RELN: variants seen among roughly 807,000 people sequenced by gnomAD.
RELN encodes the protein reelin.
In RELN, 108 loss-of-function variants were observed where a neutral mutation model predicts 427.6. The observed-to-expected ratio is 0.25, with a 90% confidence interval of 0.22 to 0.30. The LOEUF (loss-of-function observed/expected upper bound fraction) is 0.30, where lower values mean the gene tolerates loss of function less well. RELN is among the 10% of genes least tolerant of loss of function. The pLI, the probability that RELN is intolerant of heterozygous loss-of-function variation, is 1.00. For missense variants in RELN, 3,715 were observed against 4,302.8 expected (o/e 0.86, Z 3.82); for synonymous variants, 1,524 against 1,513.4 (o/e 1.01, Z -0.16).
chr7:103,501,182 A>C (rs1048567949), intron 52 of RELN, among the ~76,000 whole-genome samples: 1 of 152,246 alleles, frequency 6.6e-6, no homozygotes, highest in Non-Finnish European at 1.5e-5. Context: ...GTGTCAAGAA[A>C]TAAATAGAAA....
At chr7:103,716,092 G>C (rs190067908) in intron 8 of RELN, among the ~76,000 whole-genome samples, 2 of 152,286 alleles carry the variant, frequency 1.3e-5, no homozygotes, top group Admixed American at 1.3e-4. Context: ...CAGGGCTCCT[G>C]CATCTTGTTC....
Position 103,545,404 on chromosome 7 carries a change from T to A in RELN, c.6303-60A>T, listed in dbSNP as rs3025932. The A allele has an allele frequency of 2.7e-3, 3,049 of 1,131,732 alleles. 52 individuals carry two copies. In the African/African-American group the frequency reaches 0.04, roughly 15 times the overall value. 70.1% of individuals were successfully genotyped at this position (1,131,732 alleles called of 1,614,324 possible). A position where few individuals can be genotyped will look rare whatever the true frequency, so the allele number is the denominator to read the frequency against. On this transcript the variant is annotated intron_variant, in intron 41 of 64. Transcript: ENST00000428762. The stretch of plus-strand genomic sequence containing the variant: ...AACAGAACAATATACCTTCAAAGTA[T>A]GCACATCTGATCAATGAACAATGGG...
intron 6 of RELN, among the ~76,000 whole-genome samples, chr7:103,746,571 A>G (rs1245438041): frequency 6.6e-6 from 1 of 152,196 alleles, no homozygotes; most frequent in Non-Finnish European, 1.5e-5. Context: ...TTACAAGAAA[A>G]AAACAAACAA....
chr7:103,890,458 G>C (rs1488355206), intron 2 of RELN, among the ~76,000 whole-genome samples: 1 of 152,138 alleles, frequency 6.6e-6, no homozygotes, highest in African/African-American at 2.4e-5. Flanking sequence ...GATTCTCACA[G>C]AAGCACAAAC....
intron 55 of RELN, 54 bp from the exon 56 acceptor site, chr7:103,496,822 C>G: frequency 1.3e-6 from 2 of 1,589,868 alleles, no homozygotes; most frequent in Non-Finnish European, 1.7e-6. Context: ...CCTGCCTCCT[C>G]ATAAACCACC....
intron 3 of RELN, among the ~76,000 whole-genome samples, chr7:103,777,883 T>TCACACACACACACACA (rs201873652): frequency 0.063 from 9,119 of 143,774 alleles, 364 homozygotes; most frequent in East Asian, 0.073. Context: ...TGTTATACCT[T>TCACACACACACACACA]CACACACACA....
At position 103,650,586 on chromosome 7, in the gene RELN, G is replaced by T. The variant is rs552407892; in HGVS notation, c.1893-203C>A. On this transcript the variant is annotated intron_variant, in intron 15 of 64. Transcript: ENST00000428762. The stretch of plus-strand genomic sequence containing the variant: ...GTAAAAACATCCACGGTATGCCAGA[G>T]CAATGGATTTGTTATTTTATATTAC... 2.6e-5 allele frequency among the ~76,000 whole-genome samples: 4 copies of T among 152,210 alleles called. No individual in the cohort carries two copies. In the East Asian group the frequency reaches 7.7e-4, roughly 29 times the overall value.
intron 3 of RELN, among the ~76,000 whole-genome samples, chr7:103,798,939 G>A (rs1310068946): frequency 6.6e-6 from 1 of 152,178 alleles, no homozygotes; most frequent in Non-Finnish European, 1.5e-5. Context: ...GGAAACCCAA[G>A]TATCAGTGAC....
chr7:103,478,985 C>G (rs1479985760), intron 63 of RELN, among the ~76,000 whole-genome samples: 1 of 152,072 alleles, frequency 6.6e-6, no homozygotes. Flanking sequence ...CTTTTAAGAC[C>G]ATAGTTAGCA....
chr7:103,765,181 C>T (rs1215559371), intron 4 of RELN, among the ~76,000 whole-genome samples: 1 of 152,196 alleles, frequency 6.6e-6, no homozygotes, highest in Non-Finnish European at 1.5e-5. Flanking sequence ...CATATTTAAG[C>T]ACAGAGGAGG....
chr7:103,527,871 A>G (rs530684485), intron 46 of RELN, among the ~76,000 whole-genome samples: 1 of 152,368 alleles, frequency 6.6e-6, no homozygotes, highest in South Asian at 2.1e-4. Flanking sequence ...GAGAACCACA[A>G]TGAGATACAA....
At chr7:103,697,434 T>C (rs1316356224) in intron 10 of RELN, among the ~76,000 whole-genome samples, 1 of 152,020 alleles carries the variant, frequency 6.6e-6, no homozygotes, top group Admixed American at 6.6e-5. Flanking sequence ...ACCCCCCAGG[T>C]CTGGATTTGG....
intron 8 of RELN, among the ~76,000 whole-genome samples, chr7:103,718,446 A>G (rs1342192999): frequency 6.6e-6 from 1 of 152,186 alleles, no homozygotes; most frequent in Non-Finnish European, 1.5e-5. Context: ...ATGAACAAAT[A>G]ATAGATTCTA....
At chr7:103,638,450 A>C (rs1832629138) in intron 17 of RELN, among the ~76,000 whole-genome samples, 1 of 152,210 alleles carries the variant, frequency 6.6e-6, no homozygotes, top group Non-Finnish European at 1.5e-5. Context: ...TAGCAGTAAA[A>C]CACGGGGGAG....
chr7:103,735,632 C>T lies in RELN; in HGVS notation c.657-7425G>A, dbSNP rs116493055. Among the ~76,000 whole-genome samples the T allele has an allele frequency of 5.2e-3, 791 of 152,256 alleles. 8 individuals carry two copies. The highest frequency in any genetic ancestry group is 0.018 in the African/African-American group (755 of 41,564). On this transcript the variant is annotated intron_variant, in intron 6 of 64. Coordinates refer to ENST00000428762, the MANE Select transcript of RELN (RefSeq NM_005045.4). ...TGTTTTCTCAAGAGCAGTCTAATGG[C>T]ATGACTCATTCTTTTTAGATCACAG...
At chr7:103,942,684 C>T (rs6971299) in intron 1 of RELN, among the ~76,000 whole-genome samples, 47,032 of 152,004 alleles carry the variant, frequency 0.31, 8,203 homozygotes, top group Non-Finnish European at 0.39. Context: ...GAGGCCAAGG[C>T]AGGAGGATCA....
intron 2 of RELN, among the ~76,000 whole-genome samples, chr7:103,883,231 C>T (rs1794647414): frequency 6.6e-6 from 1 of 152,180 alleles, no homozygotes; most frequent in Admixed American, 6.5e-5. Context: ...TGACAAAATT[C>T]ACCACCCCTT....
intron 4 of RELN, among the ~76,000 whole-genome samples, chr7:103,767,523 T>C (rs1217086541): frequency 6.6e-6 from 1 of 152,204 alleles, no homozygotes; most frequent in African/African-American, 2.4e-5. Context: ...CCTAAGTCTA[T>C]CTATACCACA....
At position 103,557,065 on chromosome 7, in the gene RELN, T is replaced by C; in HGVS notation, c.5709A>G (p.Thr1903=). 6.2e-7 allele frequency: 1 copy of C among 1,613,618 alleles called. No homozygotes were observed. Among genetic ancestry groups the C allele is most frequent in the African/African-American group, 1.3e-5 (1 of 75,038 alleles). Reference sequence around the variant, plus strand: ...GAACATTGATGAAAAGTATATTCGTTGTTTGAGGAAAGTAAAATTCATCCA... The same window carrying C: ...GAACATTGATGAAAAGTATATTCGTCGTTTGAGGAAAGTAAAATTCATCCA... The part of the protein sequence containing the change: ...HLMDEFYFPQ[T]TNILFINVPL... The change falls in exon 38 of 65, where the codon ACA becomes ACG. Residue 1903 remains threonine, a synonymous_variant. Transcript: ENST00000428762.
Sources: allele counts gnomAD v4.1 joint callset (sites outside exome capture counted in the v4.1 genomes callset), GRCh38; gene constraint gnomAD v4.1.1; transcripts MANE v1.5; gene names NCBI Gene and HGNC (gene_info 2026-07-23, HGNC 2026-07-21).